The following MAP2K3 variants were observed in gnomAD, a reference collection of about 807,000 sequenced individuals.
The protein encoded by MAP2K3 is dual specificity mitogen-activated protein kinase kinase 3.
Under a neutral mutation model 46.4 loss-of-function variants are expected in MAP2K3, and 30 were observed. That is an observed-to-expected ratio of 0.65 (90% CI 0.48 to 0.88). The LOEUF (loss-of-function observed/expected upper bound fraction) is 0.88, where lower values mean the gene tolerates loss of function less well. Among genes scored for constraint, MAP2K3 ranks in the 40% least tolerant of loss-of-function variants. The pLI is 0.00. For synonymous variants in MAP2K3, 189 were observed against 176.3 expected, an observed-to-expected ratio of 1.07 and a Z score of -0.57; for missense variants, 380 against 464.5, an observed-to-expected ratio of 0.82 and a Z score of 1.67.
At chr17:21,310,733 C>T (rs1385461776) in intron 9 of MAP2K3, among the ~76,000 whole-genome samples, 4 of 152,246 alleles carry the variant, frequency 2.6e-5, no homozygotes, top group African/African-American at 4.8e-5. Flanking sequence ...GCTGGGTCTC[C>T]GCCCCCATGG....
chr17:21,304,434 C>A lies in MAP2K3; in HGVS notation c.577C>A (p.Pro193Thr). ...KLSVIHRDVK[P>T]SNVLINKEGH... ...ATGTCCCTCCCTGGCAGATGTGAAG[C>A]CCTCCAATGTCCTTATCAACAAGGA... The change falls in exon 8 of 12, where the codon CCC becomes ACC. Residue 193 changes from proline to threonine, a missense_variant. By Grantham distance (38) the Pro-to-Thr change is conservative (BLOSUM62 -1). Transcript: ENST00000342679. The A allele has an allele frequency of 6.2e-7, 1 of 1,614,316 alleles. No individual in the cohort carries two copies. Among genetic ancestry groups the A allele is most frequent in the Non-Finnish European group, 8.5e-7 (1 of 1,180,058 alleles).
At chr17:21,309,197 T>A (rs1388112093) in intron 9 of MAP2K3, among the ~76,000 whole-genome samples, 1 of 152,306 alleles carries the variant, frequency 6.6e-6, no homozygotes, top group Non-Finnish European at 1.5e-5. Context: ...AGAGTTGGAG[T>A]TCTTTCATGA....
chr17:21,294,996 C>T (rs1251318365), intron 1 of MAP2K3, among the ~76,000 whole-genome samples: 1 of 152,310 alleles, frequency 6.6e-6, no homozygotes, highest in Non-Finnish European at 1.5e-5. Context: ...TGTGGGACTC[C>T]ACAGCAGAGA....
intron 1 of MAP2K3, among the ~76,000 whole-genome samples, chr17:21,295,292 T>G (rs190657489): frequency 1.3e-5 from 2 of 152,306 alleles, no homozygotes; most frequent in Non-Finnish European, 2.9e-5. Context: ...GGTGCCTCTC[T>G]TTACCTGTGG....
In MAP2K3 at chr17:21,302,269, C is replaced by G. The variant is rs1306126136; in HGVS notation, c.516+10C>G. The stretch of plus-strand genomic sequence containing the variant: ...GGAGATTGCTGTGTCTGTGAGTGGC[C>G]TGGGTGGGCTGGCGGGGGGTCCTAG... On this transcript the variant is annotated intron_variant, in intron 6 of 11. Transcript: ENST00000342679. 1.3e-6 allele frequency: 1 copy of G among 781,482 alleles called. No homozygotes were observed. The highest frequency in any genetic ancestry group is 2.1e-6 in the Non-Finnish European group (1 of 476,568). 48.4% of individuals were successfully genotyped at this position (781,482 alleles called of 1,614,324 possible). A position where few individuals can be genotyped will look rare whatever the true frequency, so the allele number is the denominator to read the frequency against.
intron 1 of MAP2K3, among the ~76,000 whole-genome samples, chr17:21,297,333 G>A (rs981144454): frequency 6.6e-6 from 1 of 152,312 alleles, no homozygotes; most frequent in Admixed American, 6.5e-5. Context: ...CAGCAGCCAG[G>A]GTGAGCCAGC....
At chr17:21,300,764 C>T (rs1976550217) in intron 4 of MAP2K3, 106 bp downstream of exon 4, 2 of 1,608,176 alleles carry the variant, frequency 1.2e-6, no homozygotes, top group East Asian at 4.5e-5. Context: ...CGAGGCTAGG[C>T]TTTTTGGGGC....
intron 10 of MAP2K3, among the ~76,000 whole-genome samples, chr17:21,312,830 G>A (rs75169651): frequency 4.0e-5 from 6 of 151,638 alleles, no homozygotes; most frequent in East Asian, 1.9e-4. Context: ...CAGGAGAGTC[G>A]CTTGAACCCG....
Position 21,284,856 on chromosome 17 carries a change from C to G in MAP2K3, c.-65C>G, listed in dbSNP as rs1239271491. 1.9e-6 allele frequency: 3 copies of G among 1,552,734 alleles called. No homozygotes were observed. Among genetic ancestry groups the G allele is most frequent in the Admixed American group, 1.8e-5 (1 of 54,770 alleles). ...GTCTGCCCGCAGCCATGAGCGTGCT[C>G]GGCCCCGGTGGAGCCCGCAGTCCTC... On this transcript the variant is annotated 5_prime_UTR_variant, in exon 1 of 12. Transcript: ENST00000342679.
chr17:21,294,247 C>T (rs1976112640), intron 1 of MAP2K3, among the ~76,000 whole-genome samples: 1 of 130,124 alleles, frequency 7.7e-6, no homozygotes, highest in African/African-American at 2.8e-5. Context: ...GGCTCCTTCC[C>T]TGGCAGGCCC....
chr17:21,295,618 GGTGGCTTCCCCATGGAGCCT>G, intron 1 of MAP2K3: 1 of 1,287,188 alleles, frequency 7.8e-7, no homozygotes, highest in Non-Finnish European at 1.0e-6. Flanking sequence ...CTGACAGCTG[GGTGGCTTCCCCATGGAGCCT>G]GTGGCCCTCC....
At chr17:21,305,431 G>C (rs1976844780) in intron 9 of MAP2K3, among the ~76,000 whole-genome samples, 1 of 152,374 alleles carries the variant, frequency 6.6e-6, no homozygotes, top group Admixed American at 6.5e-5. Context: ...GTAAGTTCCT[G>C]GTATGTAAAT....
rs1376947736 is a variant in MAP2K3, at chr17:21,314,195, G to A, written c.1009G>A (p.Ala337Thr). 1.2e-6 allele frequency: 2 copies of A among 1,614,064 alleles called. No homozygotes were observed. Among genetic ancestry groups the A allele is most frequent in the Non-Finnish European group, 1.7e-6 (2 of 1,179,980 alleles). The change falls in exon 12 of 12, where the codon GCC becomes ACC. Residue 337 changes from alanine (A) to threonine (T), a missense_variant. By Grantham distance (58) the Ala-to-Thr change is moderately conservative. Around this residue, in one of 5 missense-constraint regions of MAP2K3, gnomAD observed 63 missense variants for 81.6 expected, o/e 0.77. Transcript: ENST00000342679. ...CAAAACCAAGAAGACGGACATTGCT[G>A]CCTTCGTGAAGGAGATCCTGGGAGA... ...LHKTKKTDIA[A>T]FVKEILGEDS
At chr17:21,299,472 C>T (rs4986016) in intron 3 of MAP2K3, among the ~76,000 whole-genome samples, 1 of 152,134 alleles carries the variant, frequency 6.6e-6, no homozygotes. Flanking sequence ...ACTTGAGCCT[C>T]GGAGCTCGGG....
At chr17:21,293,571 T>C (rs1409112296) in intron 1 of MAP2K3, among the ~76,000 whole-genome samples, 1 of 152,312 alleles carries the variant, frequency 6.6e-6, no homozygotes, top group African/African-American at 2.4e-5. Flanking sequence ...GTGGATAGTC[T>C]GGGGATCCCC....
chr17:21,302,279 T>C lies in MAP2K3; in HGVS notation c.516+20T>C. 1 of 469,586 alleles carries C rather than the reference T, an allele frequency of 2.1e-6. No individual in the cohort carries two copies. The highest frequency in any genetic ancestry group is 3.9e-6 in the Non-Finnish European group (1 of 253,630). The allele number at this position is 469,586 out of a possible 1,614,324, so 29.1% of individuals were successfully genotyped here. A position where few individuals can be genotyped will look rare whatever the true frequency, so the allele number is the denominator to read the frequency against. On this transcript the variant is annotated intron_variant, in intron 6 of 11. Transcript: ENST00000342679. ...GTGTCTGTGAGTGGCCTGGGTGGGC[T>C]GGCGGGGGGTCCTAGGTGCATAGGC...
Position 21,303,249 on chromosome 17 carries a change from G to T in MAP2K3, c.568+15G>T. 1 of 1,613,768 alleles carries T rather than the reference G, an allele frequency of 6.2e-7. No homozygotes were observed. Among genetic ancestry groups the T allele is most frequent in the Middle Eastern group, 1.6e-4 (1 of 6,062 alleles). On this transcript the variant is annotated intron_variant, in intron 7 of 11. Transcript: ENST00000342679. ...GATCCACAGAGGTCAGTGCCCGGCA[G>T]CCACCCAGGCACGGTGTAGCCAGTG... is the stretch of plus-strand genomic sequence containing the variant.
intron 1 of MAP2K3, among the ~76,000 whole-genome samples, chr17:21,296,555 T>C (rs1976263025): frequency 6.6e-6 from 1 of 152,308 alleles, no homozygotes; most frequent in Non-Finnish European, 1.5e-5. Flanking sequence ...TGTTGGGGTC[T>C]GCGAGTCAAT....
intron 1 of MAP2K3, among the ~76,000 whole-genome samples, chr17:21,293,377 CA>C (rs1319677896): frequency 6.6e-6 from 1 of 152,288 alleles, no homozygotes; most frequent in Non-Finnish European, 1.5e-5. Context: ...CTCCAAAGCA[CA>C]AGTGGTTCCA....
Sources: gnomAD v4.1 joint callset for allele counts (sites outside exome capture counted in the v4.1 genomes callset) on GRCh38, gnomAD v4.1.1 for gene constraint, gnomAD v4.1.1 regional missense constraint, MANE v1.5 for transcripts, NCBI Gene and HGNC (gene_info 2026-07-23, HGNC 2026-07-21) for gene names.